The following SULT1A1 variants were observed in gnomAD, a reference collection of about 807,000 sequenced individuals.
SULT1A1 encodes sulfotransferase 1A1.
SULT1A1 carries 35 observed loss-of-function variants against 36.8 expected under a neutral mutation model. That is an observed-to-expected ratio of 0.95 (90% confidence interval 0.73 to 1.26). The LOEUF (loss-of-function observed/expected upper bound fraction) is 1.26. Ranked by LOEUF, SULT1A1 falls within the 50% of genes most tolerant of loss-of-function variation. The pLI, the probability that SULT1A1 is intolerant of heterozygous loss-of-function variation, is 0.00. For synonymous variants in SULT1A1, 119 were observed against 146.0 expected, an observed-to-expected ratio of 0.82 and a Z score of 1.33; for missense variants, 309 against 383.0, an observed-to-expected ratio of 0.81 and a Z score of 1.61.
At position 28,605,946 on chromosome 16, in the gene SULT1A1, G is replaced by C. The variant is rs1277653425; in HGVS notation, c.776-13C>G. On this transcript the variant is annotated splice_polypyrimidine_tract_variant and intron_variant, in intron 7 of 7. Transcript: ENST00000314752. ...TCCCCAGCCATGCCTGGGGGAGGAA[G>C]GCAGGGAGCAAAGCTGGAGTCTCAT... The C allele has an allele frequency of 6.2e-7, 1 of 1,604,524 alleles. No homozygotes were observed. Among genetic ancestry groups the C allele is most frequent in the Non-Finnish European group, 8.5e-7 (1 of 1,174,054 alleles).
chr16:28,606,359 C>G (rs1282406541), intron 6 of SULT1A1, 123 bp from the exon 7 acceptor site: 2 of 1,526,672 alleles, frequency 1.3e-6, no homozygotes, highest in East Asian at 4.7e-5. Context: ...GCAGAGCCAA[C>G]TCCTCAACCC....
chr16:28,607,084 G>A lies in SULT1A1; in HGVS notation c.373-7C>T. The A allele has an allele frequency of 6.2e-7, 1 of 1,612,098 alleles. No homozygotes were observed. Among genetic ancestry groups the A allele is most frequent in the South Asian group, 1.1e-5 (1 of 91,010 alleles). On this transcript the variant is annotated splice_region_variant and splice_polypyrimidine_tract_variant and intron_variant, in intron 4 of 7. Coordinates refer to ENST00000314752, the MANE Select transcript of SULT1A1 (RefSeq NM_001055.4). ...TGCGGGCAACATAGACCACCTGCAGGGGCAGAAGACTCAACCCCAGCACCA... is the reference window on the plus strand; with the variant it reads ...TGCGGGCAACATAGACCACCTGCAGAGGCAGAAGACTCAACCCCAGCACCA...
In SULT1A1 at chr16:28,607,172, T is replaced by C. The variant is rs1328362836; in HGVS notation, c.373-95A>G. On this transcript the variant is annotated intron_variant, in intron 4 of 7. Transcript: ENST00000314752. ...GATTGGCAAAGGAGGAACCTGAGGC[T>C]TAGAGGCTGACTTGTTTGAGATCTC... The C allele has an allele frequency of 6.4e-6, 10 of 1,570,514 alleles. No individual in the cohort carries two copies. In the East Asian group the frequency reaches 1.1e-4, roughly 18 times the overall value.
intron 4 of SULT1A1, 79 bp downstream of exon 4, chr16:28,608,212 C>G: frequency 6.3e-7 from 1 of 1,578,144 alleles, no homozygotes; most frequent in Non-Finnish European, 8.7e-7. Context: ...CTCTCAAACT[C>G]CCAACCTCAG....
upstream of SULT1A1, chr16:28,611,138 C>A (rs1168548873): frequency 5.3e-5 from 8 of 152,288 alleles, no homozygotes; most frequent in African/African-American, 1.7e-4. Flanking sequence ...GTTCCCTTGA[C>A]TAAGACTTTG....
rs1169052561 is a variant in SULT1A1 at position 28,607,138 on chromosome 16, C to T, written c.373-61G>A. ...CCACACAGCCTGTCCCAGGCCAGCT[C>T]ATCTCTTGGATTGGCAAAGGAGGAA... is the stretch of plus-strand genomic sequence containing the variant. On this transcript the variant is annotated intron_variant, in intron 4 of 7. Transcript: ENST00000314752. 6.8e-5 allele frequency: 109 copies of T among 1,600,706 alleles called. 1 individual carries two copies. The highest frequency in any genetic ancestry group is 8.4e-5 in the Non-Finnish European group (98 of 1,171,006).
intron 6 of SULT1A1, 125 bp downstream of exon 6, chr16:28,606,636 C>T: frequency 4.1e-6 from 6 of 1,447,458 alleles, no homozygotes; most frequent in Non-Finnish European, 4.7e-6. Flanking sequence ...GCCAAGAAGG[C>T]AGGATGGGGA....
chr16:28,607,716 G>A (rs1168498791), intron 4 of SULT1A1: 2 of 149,194 alleles, frequency 1.3e-5, no homozygotes, highest in African/African-American at 4.9e-5. Context: ...CCAAGTTGGA[G>A]TGCACTGGAG....
chr16:28,615,991 C>T (rs1596650029), intron 2 of SULT1A1, among the ~76,000 whole-genome samples: 1 of 141,166 alleles, frequency 7.1e-6, no homozygotes, highest in Non-Finnish European at 1.6e-5. Flanking sequence ...AGTGTGACCA[C>T]TGAAGCACAG....
chr16:28,609,482 G>A, intron 1 of SULT1A1: 3 of 1,118,500 alleles, frequency 2.7e-6, no homozygotes, highest in Non-Finnish European at 3.6e-6. Flanking sequence ...AAAAGCACAG[G>A]CCTAGGCAGG....
At position 28,608,482 on chromosome 16, in the gene SULT1A1, G is replaced by A. The variant is rs151091863; in HGVS notation, c.270C>T (p.Pro90=). The change falls in exon 3 of 8, where the codon CCC becomes CCT. Residue 90 remains proline (P), a synonymous_variant. Transcript: ENST00000314752. The part of the protein sequence containing the change: ...PFLEFKAPGI[P]SGMETLKDTP... ...ACCCAGGACACACTCACACACCTGA[G>A]GGAATCCCTGGGGCTTTGAACTCAA... 2.9e-5 allele frequency: 46 copies of A among 1,612,368 alleles called. 1 individual carries two copies. The highest frequency in any genetic ancestry group is 3.8e-5 in the Non-Finnish European group (45 of 1,178,714).
chr16:28,608,337 A>T lies in SULT1A1; in HGVS notation c.326T>A (p.Leu109Gln). The change falls in exon 4 of 8, where the codon CTG (leucine) becomes CAG (glutamine). Residue 109 changes from leucine to glutamine, a missense_variant. Coordinates refer to ENST00000314752, the MANE Select transcript of SULT1A1 (RefSeq NM_001055.4). Reference sequence around the variant, plus strand: ...AGTCTGGGGGAGCAGAGCCAGGGGCAGGTGTGTCTTCAGGAGTCGTGGGGC... The same window carrying T: ...AGTCTGGGGGAGCAGAGCCAGGGGCTGGTGTGTCTTCAGGAGTCGTGGGGC... ...TPAPRLLKTH[L>Q]PLALLPQTLL... 6.2e-7 allele frequency: 1 copy of T among 1,612,348 alleles called. No individual in the cohort carries two copies. Among genetic ancestry groups the T allele is most frequent in the Non-Finnish European group, 8.5e-7 (1 of 1,178,680 alleles).
intron 1 of SULT1A1, among the ~76,000 whole-genome samples, chr16:28,622,760 C>G (rs1017323872): frequency 1.3e-5 from 2 of 152,152 alleles, no homozygotes; most frequent in Non-Finnish European, 2.9e-5. Flanking sequence ...CCTTTATTTT[C>G]CCGTGGGCCT....
intron 1 of SULT1A1, chr16:28,623,097 T>TCCCCCCCCCCCGGGGGG: frequency 7.2e-7 from 1 of 1,391,252 alleles, no homozygotes; most frequent in Non-Finnish European, 9.8e-7. Context: ...CCAATACTGG[T>TCCCCCCCCCCCGGGGGG]CCCACCCCCC....
chr16:28,609,759 A>T (rs1286918758), intron 1 of SULT1A1, 172 bp downstream of exon 1: 1 of 822,006 alleles, frequency 1.2e-6, no homozygotes, highest in Non-Finnish European at 1.6e-6. Context: ...CTCCCCGGGG[A>T]AAAAAACAAA....
chr16:28,619,900 T>C (rs2047616726), intron 2 of SULT1A1, among the ~76,000 whole-genome samples: 1 of 151,786 alleles, frequency 6.6e-6, no homozygotes, highest in Non-Finnish European at 1.5e-5. Flanking sequence ...ACAGAAAGTA[T>C]ATATTTTTGT....
chr16:28,608,171 G>T, intron 4 of SULT1A1, 120 bp downstream of exon 4: 1 of 1,387,562 alleles, frequency 7.2e-7, no homozygotes, highest in Non-Finnish European at 9.9e-7. Context: ...ATTTTTAGTA[G>T]AGACAAGGTT....
At chr16:28,610,553 T>C (rs111538775), upstream of SULT1A1, 645 of 257,172 alleles carry the variant, frequency 2.5e-3, 21 homozygotes, top group Admixed American at 0.022. Context: ...TAGAGGGATG[T>C]GTGTGGGCAG....
intron 2 of SULT1A1, chr16:28,620,024 C>T (rs761949403): frequency 6.3e-7 from 1 of 1,574,986 alleles, no homozygotes; most frequent in Non-Finnish European, 8.7e-7. Context: ...TATACACACA[C>T]AAAAAGATAC....
Sources: gnomAD v4.1 joint callset for allele counts (sites outside exome capture counted in the v4.1 genomes callset) on GRCh38, gnomAD v4.1.1 for gene constraint, MANE v1.5 for transcripts, NCBI Gene and HGNC (gene_info 2026-07-23, HGNC 2026-07-21) for gene names.